The following ESRRB variants were observed in gnomAD, a reference collection of about 807,000 sequenced individuals.
The protein encoded by ESRRB is steroid hormone receptor ERR2.
ESRRB carries 16 observed loss-of-function variants against 46.0 expected under a neutral mutation model. The ratio of observed to expected loss-of-function variants is 0.35; its 90% CI spans 0.24 to 0.53. The LOEUF (loss-of-function observed/expected upper bound fraction) is 0.53, where lower values mean the gene tolerates loss of function less well. Among genes scored for constraint, ESRRB ranks in the 20% least tolerant of loss-of-function variants. The pLI, the probability that ESRRB is intolerant of heterozygous loss-of-function variation, is 0.93. For synonymous variants in ESRRB, 246 were observed against 259.6 expected, an observed-to-expected ratio of 0.95 and a Z score of 0.50; for missense variants, 488 against 607.4, an observed-to-expected ratio of 0.80 and a Z score of 2.07.
upstream of ESRRB, among the ~76,000 whole-genome samples, chr14:76,374,183 C>A (rs1487281436): frequency 6.6e-6 from 1 of 152,192 alleles, no homozygotes; most frequent in East Asian, 1.9e-4. Flanking sequence ...ATGTATCAGG[C>A]AACTTTAGAT....
intron 1 of ESRRB, among the ~76,000 whole-genome samples, chr14:76,314,428 T>G (rs7146094): frequency 6.6e-6 from 1 of 151,886 alleles, no homozygotes; most frequent in South Asian, 2.1e-4. Flanking sequence ...AACATAGAGA[T>G]AGGAGTATGG....
At chr14:76,483,770 T>A (rs1236803318) in intron 5 of ESRRB, among the ~76,000 whole-genome samples, 1 of 152,212 alleles carries the variant, frequency 6.6e-6, no homozygotes, top group Non-Finnish European at 1.5e-5. Flanking sequence ...GATCCGTTTT[T>A]GGTTTGTCAT....
At chr14:76,311,813 T>C (rs7151967) in intron 1 of ESRRB, among the ~76,000 whole-genome samples, 120,103 of 152,140 alleles carry the variant, frequency 0.79, 47,517 homozygotes, top group East Asian at 0.91. Context: ...GATGGGGCCT[T>C]CCCGGCCACA....
At chr14:76,474,200 G>A (rs1380596261) in intron 3 of ESRRB, among the ~76,000 whole-genome samples, 2 of 152,188 alleles carry the variant, frequency 1.3e-5, no homozygotes, top group African/African-American at 4.8e-5. Flanking sequence ...TTACAACTGT[G>A]GGGATGTGTT....
chr14:76,455,434 T>A (rs1244730293), intron 2 of ESRRB, among the ~76,000 whole-genome samples: 3 of 152,062 alleles, frequency 2.0e-5, no homozygotes, highest in Non-Finnish European at 4.4e-5. Context: ...ACACAACCCA[T>A]CCCAACACAC....
chr14:76,457,155 T>TTAA (rs2139977504), intron 2 of ESRRB, among the ~76,000 whole-genome samples: 1 of 152,244 alleles, frequency 6.6e-6, no homozygotes, highest in Non-Finnish European at 1.5e-5. Context: ...GAGCTGATGG[T>TTAA]GGTGGTTACC....
At chr14:76,407,513 T>C in intron 1 of ESRRB, 1 of 984,678 alleles carries the variant, frequency 1.0e-6, no homozygotes, top group Non-Finnish European at 1.2e-6. Context: ...AGTGCGATCT[T>C]ACTCTAGCTT....
At chr14:76,368,869 G>C (rs932519795), upstream of ESRRB, among the ~76,000 whole-genome samples, 2 of 152,170 alleles carry the variant, frequency 1.3e-5, no homozygotes, top group African/African-American at 4.8e-5. Context: ...GTAATGGTCA[G>C]CCAGCACTTT....
chr14:76,489,479 A>ACACACACACACC (rs1414646049), intron 5 of ESRRB, among the ~76,000 whole-genome samples: 5 of 150,016 alleles, frequency 3.3e-5, no homozygotes, highest in Admixed American at 6.7e-5. Flanking sequence ...ACACACACAC[A>ACACACACACACC]CCCTGATCCC....
At chr14:76,317,308 CTCTGTGTGTG>C (rs1242721871) in intron 1 of ESRRB, among the ~76,000 whole-genome samples, 78 of 125,236 alleles carry the variant, frequency 6.2e-4, no homozygotes, top group African/African-American at 2.4e-3. Context: ...GCTGATTAGG[CTCTGTGTGTG>C]TGTGTGTGTG....
chr14:76,369,980 A>G (rs967628083), upstream of ESRRB, among the ~76,000 whole-genome samples: 1 of 152,234 alleles, frequency 6.6e-6, no homozygotes, highest in Non-Finnish European at 1.5e-5. Context: ...ATTGCTGACC[A>G]TGGGATTTTT....
At chr14:76,367,158 C>T (rs1332276561), upstream of ESRRB, among the ~76,000 whole-genome samples, 3 of 151,930 alleles carry the variant, frequency 2.0e-5, no homozygotes, top group African/African-American at 4.8e-5. Flanking sequence ...AGGGGAGATG[C>T]CAGGCAGTGA....
At chr14:76,372,617 A>T (rs888845185), upstream of ESRRB, among the ~76,000 whole-genome samples, 8 of 152,154 alleles carry the variant, frequency 5.3e-5, no homozygotes, top group Admixed American at 4.6e-4. Context: ...AGATCACAAG[A>T]GGCAAGGAGT....
At chr14:76,311,581 TC>T (rs1159158002) in intron 1 of ESRRB, among the ~76,000 whole-genome samples, 1 of 152,254 alleles carries the variant, frequency 6.6e-6, no homozygotes, top group Non-Finnish European at 1.5e-5. Context: ...TGTCATTGGC[TC>T]CCTCATTTGG....
chr14:76,384,940 C>T (rs1885160299), intron 1 of ESRRB, among the ~76,000 whole-genome samples: 1 of 152,126 alleles, frequency 6.6e-6, no homozygotes, highest in Non-Finnish European at 1.5e-5. Flanking sequence ...AGGGAACTGA[C>T]CTCTCTGAAT....
intron 6 of ESRRB, among the ~76,000 whole-genome samples, chr14:76,497,804 T>C (rs958742984): frequency 1.3e-5 from 2 of 152,174 alleles, no homozygotes; most frequent in African/African-American, 4.8e-5. Context: ...AGTTCTGTTA[T>C]AAACCCTTGA....
In ESRRB at chr14:76,498,632, GTGGGGGAC is replaced by G; in HGVS notation, c.*175_*182del. The G allele has an allele frequency of 7.8e-7, 1 of 1,278,448 alleles. No individual in the cohort carries two copies. The highest frequency in any genetic ancestry group is 1.1e-6 in the Non-Finnish European group (1 of 943,460). 79.2% of individuals were successfully genotyped at this position (1,278,448 alleles called of 1,614,324 possible). ...TGTGCAGACTCCCGGGTGCAGTGGG[GTGGGGGAC>G]GGGGATGGGGGGGCAGGGGTGTGGG... On this transcript the variant is annotated 3_prime_UTR_variant, in exon 7 of 7. Coordinates refer to ENST00000644823, the MANE Select transcript of ESRRB (RefSeq NM_001379180.1).
chr14:76,493,845 C>T (rs575483808), intron 6 of ESRRB, among the ~76,000 whole-genome samples: 3 of 152,298 alleles, frequency 2.0e-5, no homozygotes, highest in African/African-American at 4.8e-5. Flanking sequence ...TCAGAGGTAC[C>T]CCTTTGCAGG....
chr14:76,498,097 G>C (rs1057190779), intron 6 of ESRRB, 117 bp from the exon 7 acceptor site: 2 of 1,201,664 alleles, frequency 1.7e-6, no homozygotes, highest in Non-Finnish European at 2.5e-6. Flanking sequence ...TCTGTGAAGA[G>C]AGGGTTCTGA....
Sources: gnomAD v4.1 joint callset for allele counts (sites outside exome capture counted in the v4.1 genomes callset) on GRCh38, gnomAD v4.1.1 for gene constraint, MANE v1.5 for transcripts, NCBI Gene and HGNC (gene_info 2026-07-23, HGNC 2026-07-21) for gene names.